The following BCAR3 variants were observed in gnomAD, a reference collection of about 807,000 sequenced individuals.
The protein encoded by BCAR3 is breast cancer anti-estrogen resistance protein 3.
A neutral mutation model predicts 80.1 loss-of-function variants in BCAR3; 37 were observed. The ratio of observed to expected loss-of-function variants is 0.46; its 90% CI spans 0.36 to 0.61. The LOEUF (loss-of-function observed/expected upper bound fraction) is 0.61. BCAR3 is among the 20% of genes least tolerant of loss of function. The pLI is 0.00. For missense variants in BCAR3, 978 were observed against 1,068.2 expected (o/e 0.92, Z 1.18); for synonymous variants, 389 against 418.9 (o/e 0.93, Z 0.87).
At chr1:93,773,322 GA>G (rs201148190) in intron 2 of BCAR3, among the ~76,000 whole-genome samples, 1 of 151,154 alleles carries the variant, frequency 6.6e-6, no homozygotes, top group African/African-American at 2.4e-5. Flanking sequence ...TTTCATAGGT[GA>G]AAAAAAAATC....
intron 2 of BCAR3, among the ~76,000 whole-genome samples, chr1:93,722,969 G>A (rs1406570948): frequency 6.6e-6 from 1 of 152,114 alleles, no homozygotes; most frequent in Non-Finnish European, 1.5e-5. Flanking sequence ...GTCAGTAAAG[G>A]TCACCGCCTG....
intron 2 of BCAR3, among the ~76,000 whole-genome samples, chr1:93,656,790 G>C (rs1034936155): frequency 6.6e-6 from 1 of 152,036 alleles, no homozygotes; most frequent in African/African-American, 2.4e-5. Context: ...CTTTTGCAGA[G>C]ACAGGGTCTC....
intron 5 of BCAR3, among the ~76,000 whole-genome samples, chr1:93,588,552 T>G (rs1674037986): frequency 6.6e-6 from 1 of 152,170 alleles, no homozygotes; most frequent in Admixed American, 6.5e-5. Flanking sequence ...CTAAGCCCAC[T>G]GCTACGGGTC....
intron 3 of BCAR3, among the ~76,000 whole-genome samples, chr1:93,603,517 G>T (rs1674687407): frequency 1.3e-5 from 2 of 152,200 alleles, no homozygotes; most frequent in South Asian, 4.1e-4. Context: ...AGGACCTCTG[G>T]CCTCACTGGG....
chr1:93,651,807 C>A (rs1676334409), intron 2 of BCAR3, among the ~76,000 whole-genome samples: 1 of 152,184 alleles, frequency 6.6e-6, no homozygotes, highest in African/African-American at 2.4e-5. Flanking sequence ...CCCTTCCCCT[C>A]CCCCTTTTAT....
intron 2 of BCAR3, among the ~76,000 whole-genome samples, chr1:93,761,546 G>A (rs74868142): frequency 6.6e-6 from 1 of 152,284 alleles, no homozygotes; most frequent in African/African-American, 2.4e-5. Context: ...CACCATGAGA[G>A]CAGGCGTAAG....
intron 2 of BCAR3, among the ~76,000 whole-genome samples, chr1:93,656,610 CTTT>C (rs34484122): frequency 7.2e-6 from 1 of 138,176 alleles, no homozygotes; most frequent in African/African-American, 2.7e-5. Flanking sequence ...TATCTGAAGT[CTTT>C]TTTTTTTTTT....
chr1:93,606,678 G>A (rs937112630), intron 3 of BCAR3, among the ~76,000 whole-genome samples: 9 of 152,200 alleles, frequency 5.9e-5, no homozygotes, highest in South Asian at 4.2e-4. Flanking sequence ...GGAGAACTAC[G>A]GCTTGGGAGT....
intron 11 of BCAR3, among the ~76,000 whole-genome samples, chr1:93,565,844 C>T (rs1467597623): frequency 1.3e-5 from 2 of 152,124 alleles, no homozygotes; most frequent in Admixed American, 1.3e-4. Context: ...GAGTCTCCTG[C>T]CCCCACATAG....
At chr1:93,790,258 GA>G (rs946437701) in intron 2 of BCAR3, among the ~76,000 whole-genome samples, 19 of 151,872 alleles carry the variant, frequency 1.3e-4, no homozygotes, top group African/African-American at 4.6e-4. Flanking sequence ...ACATATTATA[GA>G]AAAAAACCCT....
intron 2 of BCAR3, among the ~76,000 whole-genome samples, chr1:93,837,324 C>A (rs896887665): frequency 6.6e-6 from 1 of 152,178 alleles, no homozygotes; most frequent in Admixed American, 6.5e-5. Context: ...TAGAATAAAG[C>A]TCCAGTTCAT....
At chr1:93,584,917 T>A in intron 5 of BCAR3, 1 of 940,108 alleles carries the variant, frequency 1.1e-6, no homozygotes, top group Non-Finnish European at 1.3e-6. Context: ...TTAATTGGCC[T>A]TCCCATAAGC....
At chr1:93,679,609 A>G (rs1428564831) in intron 1 of BCAR3, among the ~76,000 whole-genome samples, 2 of 152,230 alleles carry the variant, frequency 1.3e-5, no homozygotes, top group Non-Finnish European at 2.9e-5. Flanking sequence ...TACAAAAGTC[A>G]AAGACTCTGC....
Position 93,672,478 on chromosome 1 carries a change from C to A in BCAR3, c.317+2136G>T, listed in dbSNP as rs561395670. Among the ~76,000 whole-genome samples the A allele has an allele frequency of 1.3e-3, 204 of 152,292 alleles. 2 individuals are homozygous for A. Among genetic ancestry groups the A allele is most frequent in the Non-Finnish European group, 3.1e-4 (21 of 68,032 alleles). ...TTAAGTTAATAAATGAAAAGCGGTC[C>A]ACCATAAGCCAGCTAACAGTTGGTT... On this transcript the variant is annotated intron_variant, in intron 2 of 11. Coordinates refer to ENST00000260502, the MANE Select transcript of BCAR3 (RefSeq NM_003567.4).
At chr1:93,576,178 C>G in intron 7 of BCAR3, 49 bp from the exon 8 acceptor site, 1 of 1,433,374 alleles carries the variant, frequency 7.0e-7, no homozygotes, top group Non-Finnish European at 9.8e-7. Flanking sequence ...GTGGGCTTGC[C>G]TGATCATGAA....
At chr1:93,674,527 G>A (rs1648369425) in intron 2 of BCAR3, 87 bp downstream of exon 2, 1 of 1,419,816 alleles carries the variant, frequency 7.0e-7, no homozygotes, top group Non-Finnish European at 9.6e-7. Flanking sequence ...TGGGATTACA[G>A]GTGTGAGCCA....
chr1:93,635,810 T>C (rs1291978307), intron 3 of BCAR3, among the ~76,000 whole-genome samples: 2 of 152,228 alleles, frequency 1.3e-5, no homozygotes, highest in South Asian at 2.1e-4. Flanking sequence ...CAGCGTGCCA[T>C]TGTTTTTGTA....
At chr1:93,807,853 G>A (rs1416777530) in intron 2 of BCAR3, among the ~76,000 whole-genome samples, 1 of 151,916 alleles carries the variant, frequency 6.6e-6, no homozygotes, top group Admixed American at 6.6e-5. Flanking sequence ...TGGCAACATA[G>A]CAAAACCCTG....
intron 2 of BCAR3, among the ~76,000 whole-genome samples, chr1:93,844,548 AAGGG>A (rs1271890083): frequency 6.6e-6 from 1 of 152,198 alleles, no homozygotes; most frequent in Non-Finnish European, 1.5e-5. Flanking sequence ...CAGATTAGAT[AAGGG>A]GAAGACAACA....
Sources: gnomAD v4.1 joint callset for allele counts (sites outside exome capture counted in the v4.1 genomes callset) on GRCh38, gnomAD v4.1.1 for gene constraint, MANE v1.5 for transcripts, NCBI Gene and HGNC (gene_info 2026-07-23, HGNC 2026-07-21) for gene names.